Variants in EZH2 observed in about 807,000 individuals in gnomAD.
The protein encoded by EZH2 is enhancer of zeste 2 polycomb repressive complex 2 subunit, also known as histone-lysine N-methyltransferase EZH2.
In EZH2, 18 loss-of-function variants were observed where a neutral mutation model predicts 98.4. That is an observed-to-expected ratio of 0.18 (90% CI 0.13 to 0.27). The LOEUF (loss-of-function observed/expected upper bound fraction) is 0.27. EZH2 is among the 10% of genes least tolerant of loss of function. The pLI is 1.00. For synonymous variants in EZH2, 338 were observed against 312.3 expected (o/e 1.08, Z -0.87); for missense variants, 470 against 935.1 (o/e 0.50, Z 6.49).
intron 1 of EZH2, among the ~76,000 whole-genome samples, chr7:148,858,161 G>A (rs1585223358): frequency 6.6e-6 from 1 of 151,790 alleles, no homozygotes; most frequent in African/African-American, 2.4e-5. Context: ...GCGTGGTGGC[G>A]GGCACCTGTA....
At chr7:148,807,839 C>T in intron 19 of EZH2, 133 bp from the exon 20 acceptor site, 2 of 622,576 alleles carry the variant, frequency 3.2e-6, no homozygotes, top group Non-Finnish European at 5.6e-6. Context: ...AAAAAAAACC[C>T]ATCCAATTAC....
At chr7:148,815,644 G>T in intron 12 of EZH2, 98 bp from the exon 13 acceptor site, 1 of 1,104,382 alleles carries the variant, frequency 9.1e-7, no homozygotes, top group Non-Finnish European at 1.4e-6. Flanking sequence ...ATGAATACAG[G>T]AATGCGTTAA....
chr7:148,878,655 T>C (rs1410192830), intron 1 of EZH2, among the ~76,000 whole-genome samples: 1 of 152,144 alleles, frequency 6.6e-6, no homozygotes, highest in Admixed American at 6.5e-5. Flanking sequence ...TCCCAGCACT[T>C]TGGGAGGCTG....
chr7:148,827,325 C>A, intron 6 of EZH2, 59 bp from the exon 7 acceptor site: 1 of 1,284,224 alleles, frequency 7.8e-7, no homozygotes, highest in South Asian at 1.3e-5. Context: ...TTTGATCTTT[C>A]ATTTTCTCTA....
chr7:148,827,355 C>T, intron 6 of EZH2, 89 bp from the exon 7 acceptor site: 3 of 906,726 alleles, frequency 3.3e-6, no homozygotes, highest in Non-Finnish European at 5.1e-6. Context: ...GTCTCTATAA[C>T]AAAGCTGATT....
intron 8 of EZH2, among the ~76,000 whole-genome samples, chr7:148,822,657 A>G (rs1041994145): frequency 1.3e-5 from 2 of 152,086 alleles, no homozygotes; most frequent in Admixed American, 6.5e-5. Context: ...AAGAATAAAA[A>G]TAGGCCAGGC....
chr7:148,877,378 T>C (rs769474125), intron 1 of EZH2, among the ~76,000 whole-genome samples: 5 of 152,216 alleles, frequency 3.3e-5, no homozygotes, highest in African/African-American at 4.8e-5. Context: ...CCTAAGCACG[T>C]AATTTTAACT....
In EZH2 at chr7:148,809,257, C is replaced by T; in HGVS notation, c.2110+53G>A. The T allele has an allele frequency of 1.9e-6, 3 of 1,585,306 alleles. No homozygotes were observed. The East Asian group carries it at 6.7e-5, about 36-fold the overall frequency. ...CAACTATCCCAGAAGTATTCAAGTC[C>T]ATCATCACAGGACTGAAAAGGGAGT... On this transcript the variant is annotated intron_variant, in intron 18 of 19. Coordinates refer to ENST00000320356, the MANE Select transcript of EZH2 (RefSeq NM_004456.5).
chr7:148,865,601 T>A (rs1818327602), intron 1 of EZH2, among the ~76,000 whole-genome samples: 1 of 152,176 alleles, frequency 6.6e-6, no homozygotes, highest in African/African-American at 2.4e-5. Context: ...AATGATCTGT[T>A]CTCATTCTAG....
At chr7:148,862,389 A>G (rs1817801988) in intron 1 of EZH2, among the ~76,000 whole-genome samples, 1 of 152,236 alleles carries the variant, frequency 6.6e-6, no homozygotes, top group African/African-American at 2.4e-5. Flanking sequence ...AAAGTCTTTA[A>G]GTACTGGGAA....
chr7:148,830,052 GA>G (rs969963664), intron 4 of EZH2, among the ~76,000 whole-genome samples: 8 of 152,010 alleles, frequency 5.3e-5, no homozygotes, highest in African/African-American at 1.2e-4. Context: ...ACTGTTGACA[GA>G]AAAAAAATTT....
intron 1 of EZH2, among the ~76,000 whole-genome samples, chr7:148,882,767 C>T (rs1821200879): frequency 6.6e-6 from 1 of 152,070 alleles, no homozygotes; most frequent in Non-Finnish European, 1.5e-5. Context: ...TTGCTTGAAC[C>T]CTAAAAAGCA....
At chr7:148,811,044 G>C (rs1802922360) in intron 16 of EZH2, among the ~76,000 whole-genome samples, 1 of 152,194 alleles carries the variant, frequency 6.6e-6, no homozygotes, top group Non-Finnish European at 1.5e-5. Context: ...CTAGGTTGTG[G>C]ATTAAGCAGG....
intron 1 of EZH2, among the ~76,000 whole-genome samples, chr7:148,878,542 T>C (rs148207206): frequency 1.3e-5 from 2 of 152,368 alleles, no homozygotes; most frequent in African/African-American, 2.4e-5. Context: ...TATGTTTTCA[T>C]TGGTTTATAT....
chr7:148,825,408 A>C (rs1030436358), intron 8 of EZH2, among the ~76,000 whole-genome samples: 1 of 152,212 alleles, frequency 6.6e-6, no homozygotes, highest in Non-Finnish European at 1.5e-5. Context: ...AATCTACTTC[A>C]AGTTTTTCTA....
intron 1 of EZH2, among the ~76,000 whole-genome samples, chr7:148,878,618 G>A (rs962650123): frequency 6.6e-6 from 1 of 152,196 alleles, no homozygotes; most frequent in Admixed American, 6.5e-5. Flanking sequence ...AAAAACAAAA[G>A]CTGGGTGCAG....
At chr7:148,872,163 A>G (rs1819512317) in intron 1 of EZH2, among the ~76,000 whole-genome samples, 2 of 152,226 alleles carry the variant, frequency 1.3e-5, no homozygotes, top group African/African-American at 2.4e-5. Context: ...CAGAAAAGAA[A>G]AAAATTCTGT....
intron 17 of EZH2, 61 bp from the exon 18 acceptor site, chr7:148,809,451 A>G (rs946241034): frequency 3.6e-5 from 50 of 1,381,970 alleles, no homozygotes; most frequent in Non-Finnish European, 5.1e-5. Flanking sequence ...AAACCAAGTT[A>G]TTATGATTTT....
At chr7:148,840,982 C>T (rs1201744394) in intron 3 of EZH2, among the ~76,000 whole-genome samples, 1 of 152,046 alleles carries the variant, frequency 6.6e-6, no homozygotes, top group Non-Finnish European at 1.5e-5. Flanking sequence ...ATTTATAAAA[C>T]ACAAACTATA....
Sources: gnomAD v4.1 joint callset for allele counts (sites outside exome capture counted in the v4.1 genomes callset) on GRCh38, gnomAD v4.1.1 for gene constraint, MANE v1.5 for transcripts, NCBI Gene and HGNC (gene_info 2026-07-23, HGNC 2026-07-21) for gene names.